Variants in GRIP1 observed in about 807,000 individuals in gnomAD.
The protein encoded by GRIP1 is glutamate receptor-interacting protein 1.
In GRIP1, 45 loss-of-function variants were observed where a neutral mutation model predicts 129.9. That is an observed-to-expected ratio of 0.35 (90% CI 0.27 to 0.44). The LOEUF (loss-of-function observed/expected upper bound fraction) is 0.44, where lower values mean the gene tolerates loss of function less well. Among genes scored for constraint, GRIP1 ranks in the 20% least tolerant of loss-of-function variants. GRIP1 has a pLI of 1.00. For synonymous variants in GRIP1, 530 were observed against 520.8 expected (o/e 1.02, Z -0.24); for missense variants, 1,196 against 1,396.8 (o/e 0.86, Z 2.29).
At chr12:66,572,167 G>A (rs1406394847) in intron 2 of GRIP1, among the ~76,000 whole-genome samples, 1 of 152,154 alleles carries the variant, frequency 6.6e-6, no homozygotes, top group Non-Finnish European at 1.5e-5. Context: ...GCACATGAAC[G>A]AACTGGGGAG....
At chr12:66,463,750 G>C (rs1010063756) in intron 8 of GRIP1, among the ~76,000 whole-genome samples, 2 of 152,174 alleles carry the variant, frequency 1.3e-5, no homozygotes, top group African/African-American at 2.4e-5. Flanking sequence ...GGGCAGGGAA[G>C]GGGCTAGCTG....
intron 1 of GRIP1, among the ~76,000 whole-genome samples, chr12:66,778,884 T>G (rs1309488193): frequency 6.6e-6 from 1 of 152,186 alleles, no homozygotes; most frequent in Non-Finnish European, 1.5e-5. Context: ...TGTCCAGATG[T>G]GACAGGTGAT....
At chr12:66,648,274 C>T (rs574013639) in intron 1 of GRIP1, among the ~76,000 whole-genome samples, 16 of 152,292 alleles carry the variant, frequency 1.1e-4, no homozygotes, top group South Asian at 6.2e-4. Flanking sequence ...AATATCATCC[C>T]GGAAGGGCCG....
intron 1 of GRIP1, among the ~76,000 whole-genome samples, chr12:66,610,104 A>C (rs537974103): frequency 6.6e-6 from 1 of 152,252 alleles, no homozygotes; most frequent in South Asian, 2.1e-4. Flanking sequence ...TATGAAATAC[A>C]ATATTGATAC....
chr12:66,353,543 A>C lies in GRIP1; in HGVS notation c.3033T>G (p.Ser1011=). The change falls in exon 24 of 25, where the codon TCT becomes TCG. Residue 1011 remains serine, a synonymous_variant. Transcript: ENST00000359742. ...ELHKVTLYKD[S]DMEDFGFSVA... ...CACTGAACCCAAAGTCCTCCATGTCAGAGTCCTTGTACAAGGTCACCTGAA... is the reference window on the plus strand; with the variant it reads ...CACTGAACCCAAAGTCCTCCATGTCCGAGTCCTTGTACAAGGTCACCTGAA... 6.2e-7 allele frequency: 1 copy of C among 1,614,038 alleles called. No homozygotes were observed. Among genetic ancestry groups the C allele is most frequent in the South Asian group, 1.1e-5 (1 of 91,082 alleles).
intron 1 of GRIP1, among the ~76,000 whole-genome samples, chr12:66,856,753 G>A (rs1167167196): frequency 6.6e-6 from 1 of 151,616 alleles, no homozygotes; most frequent in East Asian, 1.9e-4. Flanking sequence ...GGAGAAATAG[G>A]AACACTTTTA....
intron 14 of GRIP1, among the ~76,000 whole-genome samples, chr12:66,430,156 G>T (rs149677374): frequency 4.6e-5 from 7 of 152,340 alleles, no homozygotes; most frequent in African/African-American, 1.4e-4. Flanking sequence ...ACTGTGCTAG[G>T]CCTCAGGATT....
At chr12:66,684,325 A>T (rs1002580252) in intron 1 of GRIP1, among the ~76,000 whole-genome samples, 3 of 152,158 alleles carry the variant, frequency 2.0e-5, no homozygotes, top group African/African-American at 7.2e-5. Flanking sequence ...ATTTTCTGTC[A>T]TTACAATGGC....
At chr12:66,923,639 G>T (rs1264688683) in intron 1 of GRIP1, among the ~76,000 whole-genome samples, 1 of 152,122 alleles carries the variant, frequency 6.6e-6, no homozygotes, top group Non-Finnish European at 1.5e-5. Context: ...AAACCCACTT[G>T]TACTTTTGAG....
chr12:66,688,398 CAA>C (rs1343223988), intron 1 of GRIP1, among the ~76,000 whole-genome samples: 6 of 152,070 alleles, frequency 3.9e-5, no homozygotes, highest in South Asian at 4.2e-4. Context: ...AAGTGCTTTA[CAA>C]AGAGTACGAC....
chr12:66,615,118 A>C (rs2064983212), intron 1 of GRIP1, among the ~76,000 whole-genome samples: 1 of 152,044 alleles, frequency 6.6e-6, no homozygotes, highest in Non-Finnish European at 1.5e-5. Context: ...AGTCTTGTAT[A>C]TTGTCTATGT....
chr12:66,445,448 T>G lies in GRIP1; in HGVS notation c.1415A>C (p.Glu472Ala). The G allele has an allele frequency of 6.2e-7, 1 of 1,614,098 alleles. No individual in the cohort carries two copies. Among genetic ancestry groups the G allele is most frequent in the African/African-American group, 1.3e-5 (1 of 75,042 alleles). ...GACAGGATCTGCCGTCAGCACAACC[T>G]CTGTGGTTTCTGTGTGAACAACCTG... ...AGQVVHTETT[E>A]VVLTADPVTG... Residue 472 changes from glutamate to alanine, a missense_variant, in exon 12 of 25, where the codon GAG (glutamate) becomes GCG (alanine). Glu to Ala is a moderately radical substitution (Grantham distance 107). Transcript: ENST00000359742.
upstream of GRIP1, among the ~76,000 whole-genome samples, chr12:66,683,808 T>G (rs112106499): frequency 5.5e-3 from 844 of 152,134 alleles, 10 homozygotes; most frequent in African/African-American, 0.019. Flanking sequence ...TGGTGGAAAA[T>G]GTTAAAGATA....
At chr12:66,385,102 A>G (rs12814433) in intron 19 of GRIP1, among the ~76,000 whole-genome samples, 2,280 of 152,392 alleles carry the variant, frequency 0.015, 33 homozygotes, top group South Asian at 0.048. Flanking sequence ...CAGATAGATA[A>G]TGAAATTTTT....
chr12:66,999,945 C>T (rs180938141), intron 1 of GRIP1, among the ~76,000 whole-genome samples: 48 of 152,216 alleles, frequency 3.2e-4, no homozygotes, highest in African/African-American at 1.1e-3. Context: ...TTCAAAGCCC[C>T]CAATTTTTCT....
At chr12:66,372,694 C>T (rs2137304855) in intron 22 of GRIP1, among the ~76,000 whole-genome samples, 3 of 151,890 alleles carry the variant, frequency 2.0e-5, no homozygotes, top group Non-Finnish European at 4.4e-5. Context: ...ATATGTTCTT[C>T]CCTGAATACT....
chr12:66,683,000 C>A (rs1351049865), upstream of GRIP1, among the ~76,000 whole-genome samples: 8 of 152,096 alleles, frequency 5.3e-5, no homozygotes, highest in Admixed American at 5.2e-4. Flanking sequence ...ACTATTTAAA[C>A]AGCATGGAAC....
At chr12:66,587,379 C>T (rs1358831234) in intron 2 of GRIP1, among the ~76,000 whole-genome samples, 3 of 152,224 alleles carry the variant, frequency 2.0e-5, no homozygotes, top group African/African-American at 7.2e-5. Flanking sequence ...TGAGCATGGA[C>T]CCCATAACTT....
chr12:67,042,010 C>T (rs1335066369), intron 1 of GRIP1, among the ~76,000 whole-genome samples: 2 of 152,080 alleles, frequency 1.3e-5, no homozygotes, highest in African/African-American at 2.4e-5. Context: ...GAGATTAGGC[C>T]ATGAGGGCCT....
Sources: allele counts gnomAD v4.1 joint callset (sites outside exome capture counted in the v4.1 genomes callset), GRCh38; gene constraint gnomAD v4.1.1; transcripts MANE v1.5; gene names NCBI Gene and HGNC (gene_info 2026-07-23, HGNC 2026-07-21).